ANKRD63: variants seen among roughly 807,000 people sequenced by gnomAD.
The protein encoded by ANKRD63 is ankyrin repeat domain 63, also known as ankyrin repeat domain-containing protein 63.
A neutral mutation model predicts 21.2 loss-of-function variants in ANKRD63; 18 were observed. The observed-to-expected ratio is 0.85, with a 90% CI of 0.59 to 1.26. ANKRD63 has a LOEUF of 1.26. ANKRD63 is among the 50% of genes most tolerant of loss of function. The pLI is 0.00. For synonymous variants in ANKRD63, 322 were observed against 273.3 expected (o/e 1.18, Z -1.76); for missense variants, 523 against 570.9 (o/e 0.92, Z 0.85).
chr15:40,280,868 G>A lies in ANKRD63; in HGVS notation c.*576C>T, dbSNP rs2039533510. Among the ~76,000 whole-genome samples the A allele has an allele frequency of 6.6e-6, 1 of 152,226 alleles. No homozygotes were observed. Among genetic ancestry groups the A allele is most frequent in the Admixed American group, 6.5e-5 (1 of 15,286 alleles). On this transcript the variant is annotated 3_prime_UTR_variant, in exon 1 of 1. Coordinates refer to ENST00000434396, the MANE Select transcript of ANKRD63 (RefSeq NM_001190479.3). ...ATGCTTTCATTGTCTTGAGACAGGA[G>A]TTTCTACCCTGGAAAAACATAACAG...
In ANKRD63 at chr15:40,283,011, G is replaced by T. The variant is rs2141004937; in HGVS notation, c.-425C>A. On this transcript the variant is annotated 5_prime_UTR_variant, in exon 1 of 1. Coordinates refer to ENST00000434396, the MANE Select transcript of ANKRD63 (RefSeq NM_001190479.3). ...CAGCCCCCGCTCCCCCGCAGCGACGGTGGCGCCCGCCGTGCACGCCTGCCT... is the reference window on the plus strand; with the variant it reads ...CAGCCCCCGCTCCCCCGCAGCGACGTTGGCGCCCGCCGTGCACGCCTGCCT... Among the ~76,000 whole-genome samples the T allele has an allele frequency of 1.3e-5, 2 of 152,304 alleles. No homozygotes were observed. The highest frequency in any genetic ancestry group is 3.9e-4 in the East Asian group (2 of 5,164).
At position 40,279,275 on chromosome 15, in the gene ANKRD63, G is replaced by A. The variant is rs1036401321; in HGVS notation, c.*2169C>T. ...GCAGGTCCCAAGGGAAGGGTTGGCA[G>A]CTCCAGCTTTTCGGAAGAGAGCTGT... On this transcript the variant is annotated 3_prime_UTR_variant, in exon 1 of 1. Coordinates refer to ENST00000434396, the MANE Select transcript of ANKRD63 (RefSeq NM_001190479.3). Among the ~76,000 whole-genome samples the A allele has an allele frequency of 1.3e-5, 2 of 152,240 alleles. No homozygotes were observed. Among genetic ancestry groups the A allele is most frequent in the Non-Finnish European group, 2.9e-5 (2 of 68,044 alleles).
chr15:40,280,876 C>G lies in ANKRD63; in HGVS notation c.*568G>C, dbSNP rs2039533611. Among the ~76,000 whole-genome samples the G allele has an allele frequency of 6.6e-6, 1 of 152,212 alleles. No homozygotes were observed. Among genetic ancestry groups the G allele is most frequent in the Admixed American group, 6.5e-5 (1 of 15,288 alleles). On this transcript the variant is annotated 3_prime_UTR_variant, in exon 1 of 1. Transcript: ENST00000434396. ...ATTGTCTTGAGACAGGAGTTTCTACCCTGGAAAAACATAACAGCCAGACCC... is the reference window on the plus strand; with the variant it reads ...ATTGTCTTGAGACAGGAGTTTCTACGCTGGAAAAACATAACAGCCAGACCC...
Position 40,281,975 on chromosome 15 carries a change from G to A in ANKRD63, c.612C>T (p.Pro204=). Residue 204 remains proline, a synonymous_variant, in exon 1 of 1, where the codon CCC becomes CCT. Transcript: ENST00000434396. ...PPGRPAPAAS[P]EHRRPSPRRL... ...GGCGGGGGCTGGGTCGTCGATGCTC[G>A]GGGCTGGCCGCGGGGGCCGGGCGGC... The A allele has an allele frequency of 1.6e-6, 2 of 1,222,754 alleles. No individual in the cohort carries two copies. Among genetic ancestry groups the A allele is most frequent in the East Asian group, 3.4e-5 (1 of 29,688 alleles). The allele number at this position is 1,222,754 out of a possible 1,614,324, so 75.7% of individuals were successfully genotyped here. A position where few individuals can be genotyped will look rare whatever the true frequency, so the allele number is the denominator to read the frequency against.
Position 40,280,557 on chromosome 15 carries a change from G to A in ANKRD63, c.*887C>T, listed in dbSNP as rs2039529677. 6.6e-6 allele frequency among the ~76,000 whole-genome samples: 1 copy of A among 152,282 alleles called. No individual in the cohort carries two copies. Among genetic ancestry groups the A allele is most frequent in the Non-Finnish European group, 1.5e-5 (1 of 68,054 alleles). On this transcript the variant is annotated 3_prime_UTR_variant, in exon 1 of 1. Transcript: ENST00000434396. ...CTGGGAGGCGTGGAGGCGGGGAAGC[G>A]CTCAGTCCTTTCCATTTCAGGCCTC...
chr15:40,279,231 G>A lies in ANKRD63; in HGVS notation c.*2213C>T, dbSNP rs559326967. ...ACCTCAGAAACCAAAGCTAGTATCA[G>A]AAGAAAACTGCATAATCGGCAGGTC... On this transcript the variant is annotated 3_prime_UTR_variant, in exon 1 of 1. Coordinates refer to ENST00000434396, the MANE Select transcript of ANKRD63 (RefSeq NM_001190479.3). Among the ~76,000 whole-genome samples the A allele has an allele frequency of 1.3e-5, 2 of 152,204 alleles. No individual in the cohort carries two copies. Among genetic ancestry groups the A allele is most frequent in the South Asian group, 2.1e-4 (1 of 4,822 alleles).
chr15:40,280,808 G>A lies in ANKRD63; in HGVS notation c.*636C>T, dbSNP rs745516466. On this transcript the variant is annotated 3_prime_UTR_variant, in exon 1 of 1. Transcript: ENST00000434396. ...CAGGAGCTGATTCAAGGGACAACTG[G>A]TGTTCAACACTAGGGACTCTCCCAC... Among the ~76,000 whole-genome samples the A allele has an allele frequency of 2.6e-5, 4 of 152,208 alleles. No individual in the cohort carries two copies. Among genetic ancestry groups the A allele is most frequent in the Non-Finnish European group, 4.4e-5 (3 of 68,044 alleles).
At position 40,281,171 on chromosome 15, in the gene ANKRD63, G is replaced by A. The variant is rs531736487; in HGVS notation, c.*273C>T. Among the ~76,000 whole-genome samples the A allele has an allele frequency of 6.6e-6, 1 of 152,308 alleles. No individual in the cohort carries two copies. The highest frequency in any genetic ancestry group is 2.4e-5 in the African/African-American group (1 of 41,572). On this transcript the variant is annotated 3_prime_UTR_variant, in exon 1 of 1. Coordinates refer to ENST00000434396, the MANE Select transcript of ANKRD63 (RefSeq NM_001190479.3). ...ACCCAGGATTGAGCCTGAGGGCTGG[G>A]GAGGGGGAATCCACCTTCCTGGCTG...
rs2039537333 is a variant in ANKRD63, at chr15:40,281,187, T to G, written c.*257A>C. Among the ~76,000 whole-genome samples the G allele has an allele frequency of 6.6e-6, 1 of 152,196 alleles. No homozygotes were observed. Among genetic ancestry groups the G allele is most frequent in the Non-Finnish European group, 1.5e-5 (1 of 68,026 alleles). Reference sequence around the variant, plus strand: ...GAGGGCTGGGGAGGGGGAATCCACCTTCCTGGCTGTAGCCTACGGAACCAG... The same window carrying G: ...GAGGGCTGGGGAGGGGGAATCCACCGTCCTGGCTGTAGCCTACGGAACCAG... On this transcript the variant is annotated 3_prime_UTR_variant, in exon 1 of 1. Coordinates refer to ENST00000434396, the MANE Select transcript of ANKRD63 (RefSeq NM_001190479.3).
In ANKRD63 at chr15:40,280,877, C is replaced by T. The variant is rs2039533638; in HGVS notation, c.*567G>A. On this transcript the variant is annotated 3_prime_UTR_variant, in exon 1 of 1. Transcript: ENST00000434396. The stretch of plus-strand genomic sequence containing the variant: ...TTGTCTTGAGACAGGAGTTTCTACC[C>T]TGGAAAAACATAACAGCCAGACCCC... Among the ~76,000 whole-genome samples, 1 of 152,238 alleles carries T rather than the reference C, an allele frequency of 6.6e-6. No individual in the cohort carries two copies. The highest frequency in any genetic ancestry group is 6.5e-5 in the Admixed American group (1 of 15,282).
Position 40,280,720 on chromosome 15 carries a change from AGT to A in ANKRD63, c.*722_*723del, listed in dbSNP as rs1466836921. ...GGCCTGGGTAGGGGTTGTGTGGAGCAGTGACTCCACATTATCAATGAAGCTGA... is the reference window on the plus strand; with the variant it reads ...GGCCTGGGTAGGGGTTGTGTGGAGCAGACTCCACATTATCAATGAAGCTGA... On this transcript the variant is annotated 3_prime_UTR_variant, in exon 1 of 1. Transcript: ENST00000434396. Among the ~76,000 whole-genome samples the A allele has an allele frequency of 2.0e-5, 3 of 152,250 alleles. No individual in the cohort carries two copies. The highest frequency in any genetic ancestry group is 4.4e-5 in the Non-Finnish European group (3 of 68,042).
At position 40,281,521 on chromosome 15, in the gene ANKRD63, C is replaced by T. The variant is rs1488593666; in HGVS notation, c.1066G>A (p.Ala356Thr). The change falls in exon 1 of 1, where the codon GCT becomes ACT. Residue 356 changes from alanine (A) to threonine (T), a missense_variant. By Grantham distance (58) the Ala-to-Thr change is moderately conservative. Transcript: ENST00000434396. ...PESGPELEAN[A>T]LSVSVPGPNP... ...GGCCCAGGCACCGAGACAGACAGAG[C>T]GTTGGCCTCTAACTCCGGGCCACTC... 1.2e-5 allele frequency: 19 copies of T among 1,520,590 alleles called. No individual in the cohort carries two copies. Among genetic ancestry groups the T allele is most frequent in the Non-Finnish European group, 1.6e-5 (18 of 1,139,146 alleles). 94.2% of individuals were successfully genotyped at this position (1,520,590 alleles called of 1,614,324 possible). A position where few individuals can be genotyped will look rare whatever the true frequency, so the allele number is the denominator to read the frequency against.
rs2039521591 is a variant in ANKRD63, at chr15:40,279,817, C to T, written c.*1627G>A. On this transcript the variant is annotated 3_prime_UTR_variant, in exon 1 of 1. Coordinates refer to ENST00000434396, the MANE Select transcript of ANKRD63 (RefSeq NM_001190479.3). ...AGATCGAAGTCTTGCAAAGACCTTA[C>T]TGCAGGCAGGTGAAAGGCTTCAAGT... Among the ~76,000 whole-genome samples the T allele has an allele frequency of 2.0e-5, 3 of 152,268 alleles. No individual in the cohort carries two copies. The South Asian group carries it at 6.2e-4, about 31-fold the overall frequency.
chr15:40,281,565 C>T lies in ANKRD63; in HGVS notation c.1022G>A (p.Gly341Glu), dbSNP rs563761972. The T allele has an allele frequency of 2.6e-6, 4 of 1,532,506 alleles. 1 individual carries two copies. In the South Asian group the frequency reaches 4.8e-5, roughly 18 times the overall value. The allele number at this position is 1,532,506 out of a possible 1,614,324, so 94.9% of individuals were successfully genotyped here. Residue 341 changes from glycine to glutamate, a missense_variant, in exon 1 of 1, where the codon GGG (glycine) becomes GAG (glutamate). Gly to Glu is a moderately conservative substitution (Grantham distance 98, BLOSUM62 -2). This residue lies in a region of ANKRD63 where 308 missense variants were observed against 290.4 expected (regional missense o/e 1.06). Coordinates refer to ENST00000434396, the MANE Select transcript of ANKRD63 (RefSeq NM_001190479.3). ...STAPDIPSLV[G>E]EAPGPESGPE... ...GCCACTCTCGGGCCCTGGCGCCTCC[C>T]CGACCAGGCTGGGGATATCTGGGGC... is the stretch of plus-strand genomic sequence containing the variant.
rs1422912179 is a variant in ANKRD63, at chr15:40,282,129, G to A, written c.458C>T (p.Ala153Val). 9.7e-6 allele frequency: 14 copies of A among 1,441,724 alleles called. No homozygotes were observed. The highest frequency in any genetic ancestry group is 1.0e-5 in the Non-Finnish European group (11 of 1,104,776). The allele number at this position is 1,441,724 out of a possible 1,614,324, so 89.3% of individuals were successfully genotyped here. Residue 153 changes from alanine to valine, a missense_variant, in exon 1 of 1, where the codon GCG (alanine) becomes GTG (valine). Transcript: ENST00000434396. Reference sequence around the variant, plus strand: ...GGCCAGTTGCAGCGCGGTGAGCCCCGCACGGTTGGTGCGGTCGAGGCGCAG... The same window carrying A: ...GGCCAGTTGCAGCGCGGTGAGCCCCACACGGTTGGTGCGGTCGAGGCGCAG... ...LGLRLDRTNR[A>V]GLTALQLAAA...
At position 40,278,522 on chromosome 15, in the gene ANKRD63, G is replaced by T. The variant is rs2039507286; in HGVS notation, c.*2922C>A. ...TAGGGTACCAAGTGCCAGCATCCTG[G>T]GTGACTCTTCACAATGACAAAAGCA... is the stretch of plus-strand genomic sequence containing the variant. On this transcript the variant is annotated 3_prime_UTR_variant, in exon 1 of 1. Transcript: ENST00000434396. Among the ~76,000 whole-genome samples the T allele has an allele frequency of 1.3e-5, 2 of 152,148 alleles. No homozygotes were observed. The highest frequency in any genetic ancestry group is 2.9e-5 in the Non-Finnish European group (2 of 68,042).
Position 40,281,549 on chromosome 15 carries a change from G to C in ANKRD63, c.1038C>G (p.Pro346=). The C allele has an allele frequency of 6.5e-7, 1 of 1,530,998 alleles. No individual in the cohort carries two copies. The highest frequency in any genetic ancestry group is 1.2e-5 in the South Asian group (1 of 83,724). 94.8% of individuals were successfully genotyped at this position (1,530,998 alleles called of 1,614,324 possible). ...IPSLVGEAPG[P]ESGPELEANA... ...TGGCCTCTAACTCCGGGCCACTCTCGGGCCCTGGCGCCTCCCCGACCAGGC... is the reference window on the plus strand; with the variant it reads ...TGGCCTCTAACTCCGGGCCACTCTCCGGCCCTGGCGCCTCCCCGACCAGGC... Residue 346 remains proline (P), a synonymous_variant, in exon 1 of 1, where the codon CCC becomes CCG. Transcript: ENST00000434396.
At position 40,280,276 on chromosome 15, in the gene ANKRD63, G is replaced by A. The variant is rs1255751877; in HGVS notation, c.*1168C>T. On this transcript the variant is annotated 3_prime_UTR_variant, in exon 1 of 1. Coordinates refer to ENST00000434396, the MANE Select transcript of ANKRD63 (RefSeq NM_001190479.3). ...TTTGATATAATTTAAACCTGGACCC[G>A]CAGCTCGTGTGGGCTCCCGACTCCC... is the stretch of plus-strand genomic sequence containing the variant. 6.6e-6 allele frequency among the ~76,000 whole-genome samples: 1 copy of A among 152,220 alleles called. No homozygotes were observed. The highest frequency in any genetic ancestry group is 1.9e-4 in the East Asian group (1 of 5,200).
At position 40,280,515 on chromosome 15, in the gene ANKRD63, C is replaced by A. The variant is rs538765293; in HGVS notation, c.*929G>T. ...CCGTTCCACCCCGCGGGAGCACCCACGTGCGGGACGGGGGAGCTGGGAGGC... is the reference window on the plus strand; with the variant it reads ...CCGTTCCACCCCGCGGGAGCACCCAAGTGCGGGACGGGGGAGCTGGGAGGC... On this transcript the variant is annotated 3_prime_UTR_variant, in exon 1 of 1. Transcript: ENST00000434396. Among the ~76,000 whole-genome samples the A allele has an allele frequency of 1.3e-5, 2 of 152,400 alleles. No homozygotes were observed. The highest frequency in any genetic ancestry group is 3.9e-4 in the East Asian group (2 of 5,192).
Sources: allele counts gnomAD v4.1 joint callset (sites outside exome capture counted in the v4.1 genomes callset), GRCh38; gene constraint gnomAD v4.1.1; regional missense constraint gnomAD v4.1.1; transcripts MANE v1.5; gene names NCBI Gene and HGNC (gene_info 2026-07-23, HGNC 2026-07-21).